CRY1: variants seen among roughly 807,000 people sequenced by gnomAD.
The protein encoded by CRY1 is cryptochrome circadian regulator 1.
CRY1 carries 45 observed loss-of-function variants against 76.0 expected under a neutral mutation model. The ratio of observed to expected loss-of-function variants is 0.59; its 90% CI spans 0.47 to 0.76. The LOEUF is 0.76. CRY1 is among the 30% of genes least tolerant of loss of function. The probability of loss-of-function intolerance (pLI) is 0.00; values close to 1 mark genes in which losing one functional copy is unlikely to be tolerated. For synonymous variants in CRY1, 248 were observed against 244.0 expected, an observed-to-expected ratio of 1.02 and a Z score of -0.15; for missense variants, 587 against 716.4, an observed-to-expected ratio of 0.82 and a Z score of 2.06.
At chr12:107,087,087 A>G (rs1266283249) in intron 1 of CRY1, among the ~76,000 whole-genome samples, 1 of 152,272 alleles carries the variant, frequency 6.6e-6, no homozygotes, top group Non-Finnish European at 1.5e-5. Flanking sequence ...TGGAAAGATT[A>G]AAAGTATCCT....
At chr12:107,020,525 G>GTTT (rs11368690) in intron 2 of CRY1, among the ~76,000 whole-genome samples, 3 of 148,376 alleles carry the variant, frequency 2.0e-5, no homozygotes, top group South Asian at 2.1e-4. Context: ...TGCAAGATCT[G>GTTT]TTTTTTTTTT....
intron 1 of CRY1, among the ~76,000 whole-genome samples, chr12:107,051,790 G>A (rs1325074865): frequency 2.0e-5 from 3 of 152,060 alleles, no homozygotes; most frequent in Non-Finnish European, 4.4e-5. Context: ...AAACCACATA[G>A]AGGTAATTGT....
At chr12:107,045,719 C>A (rs1461751774) in intron 1 of CRY1, among the ~76,000 whole-genome samples, 2 of 151,972 alleles carry the variant, frequency 1.3e-5, no homozygotes, top group Non-Finnish European at 2.9e-5. Context: ...CTATGGCTAG[C>A]CAGTTGTCCC....
At chr12:107,035,483 G>A (rs1952723965) in intron 1 of CRY1, among the ~76,000 whole-genome samples, 1 of 152,208 alleles carries the variant, frequency 6.6e-6, no homozygotes, top group African/African-American at 2.4e-5. Context: ...TTTAGAAAGT[G>A]TGTATAAGAC....
chr12:107,076,984 A>T (rs1474456400), intron 1 of CRY1, among the ~76,000 whole-genome samples: 1 of 152,138 alleles, frequency 6.6e-6, no homozygotes, highest in Non-Finnish European at 1.5e-5. Flanking sequence ...AGACGCTGCT[A>T]TGCTTCCTGA....
At chr12:107,021,122 A>G (rs1211716184) in intron 2 of CRY1, among the ~76,000 whole-genome samples, 1 of 152,156 alleles carries the variant, frequency 6.6e-6, no homozygotes, top group Non-Finnish European at 1.5e-5. Flanking sequence ...TGTCTCTACT[A>G]AAAGTACAAA....
intron 1 of CRY1, among the ~76,000 whole-genome samples, chr12:107,044,107 A>T (rs1952826486): frequency 6.6e-6 from 1 of 152,020 alleles, no homozygotes; most frequent in Non-Finnish European, 1.5e-5. Flanking sequence ...GCGAACCTGT[A>T]CTCCAAGACC....
intron 2 of CRY1, among the ~76,000 whole-genome samples, chr12:107,018,391 C>G (rs956951315): frequency 6.6e-6 from 1 of 152,082 alleles, no homozygotes; most frequent in Non-Finnish European, 1.5e-5. Flanking sequence ...AGTTTAAGAC[C>G]AGTCTGGCCA....
At chr12:106,994,143 A>G (rs1210791732) in intron 10 of CRY1, among the ~76,000 whole-genome samples, 1 of 152,198 alleles carries the variant, frequency 6.6e-6, no homozygotes, top group Non-Finnish European at 1.5e-5. Flanking sequence ...GCCTACAGAC[A>G]GGATAAGTGT....
intron 1 of CRY1, among the ~76,000 whole-genome samples, chr12:107,092,213 A>T (rs1414417732): frequency 6.6e-6 from 1 of 152,208 alleles, no homozygotes; most frequent in African/African-American, 2.4e-5. Flanking sequence ...TCTGATCCCT[A>T]GAAGGACTAC....
intron 1 of CRY1, among the ~76,000 whole-genome samples, chr12:107,046,099 C>G: frequency 6.7e-6 from 1 of 149,948 alleles, no homozygotes. Context: ...TGCACTCCAG[C>G]CTGGCGACAG....
chr12:107,004,402 A>G (rs1952346629), intron 3 of CRY1, among the ~76,000 whole-genome samples: 1 of 152,224 alleles, frequency 6.6e-6, no homozygotes, highest in Admixed American at 6.5e-5. Context: ...AATGATTTAA[A>G]AGGTAAATAA....
intron 1 of CRY1, among the ~76,000 whole-genome samples, chr12:107,053,004 G>T (rs528553825): frequency 5.3e-5 from 8 of 152,248 alleles, no homozygotes; most frequent in Admixed American, 3.9e-4. Context: ...GAAATTATTC[G>T]GTAGTTAATG....
intron 1 of CRY1, among the ~76,000 whole-genome samples, chr12:107,092,508 G>A (rs958525021): frequency 6.6e-6 from 1 of 152,168 alleles, no homozygotes; most frequent in Non-Finnish European, 1.5e-5. Flanking sequence ...GGACAGGAAA[G>A]GTGTTTCTTT....
intron 1 of CRY1, among the ~76,000 whole-genome samples, chr12:107,034,238 C>T (rs540055562): frequency 1.3e-5 from 2 of 152,114 alleles, no homozygotes; most frequent in Admixed American, 6.5e-5. Context: ...TTAAGACACC[C>T]CCACTAATGC....
At chr12:107,003,297 GT>G (rs1403305972) in intron 3 of CRY1, among the ~76,000 whole-genome samples, 1 of 152,054 alleles carries the variant, frequency 6.6e-6, no homozygotes, top group Non-Finnish European at 1.5e-5. Flanking sequence ...TAAAGATTAA[GT>G]TTAGACACTC....
chr12:107,072,027 T>C (rs997376045), intron 1 of CRY1, among the ~76,000 whole-genome samples: 5 of 152,142 alleles, frequency 3.3e-5, no homozygotes, highest in Admixed American at 2.0e-4. Flanking sequence ...TGGAAGAATA[T>C]AGGAGTATTT....
intron 1 of CRY1, among the ~76,000 whole-genome samples, chr12:107,069,033 A>C (rs143922223): frequency 6.6e-6 from 1 of 152,158 alleles, no homozygotes; most frequent in African/African-American, 2.4e-5. Context: ...ACATTCATGT[A>C]TAAGTTTTTG....
intron 2 of CRY1, among the ~76,000 whole-genome samples, chr12:107,013,567 C>T (rs933923096): frequency 2.0e-5 from 3 of 152,172 alleles, no homozygotes; most frequent in Middle Eastern, 3.2e-3. Flanking sequence ...AAACTTGTAA[C>T]ATCTCCCAGG....
Sources: allele counts gnomAD v4.1 joint callset (sites outside exome capture counted in the v4.1 genomes callset), GRCh38; gene constraint gnomAD v4.1.1; transcripts MANE v1.5; gene names NCBI Gene and HGNC (gene_info 2026-07-23, HGNC 2026-07-21).